The following LY96 variants were observed in gnomAD, a reference collection of about 807,000 sequenced individuals.
The protein encoded by LY96 is myeloid differentiation protein-2.
Under a neutral mutation model 18.9 loss-of-function variants are expected in LY96, and 18 were observed. That is an observed-to-expected ratio of 0.95 (90% CI 0.66 to 1.41). The LOEUF (loss-of-function observed/expected upper bound fraction) is 1.41. LY96 is among the 40% of genes most tolerant of loss of function. The pLI, the probability that LY96 is intolerant of heterozygous loss-of-function variation, is 0.00. For synonymous variants in LY96, 66 were observed against 62.6 expected (o/e 1.06, Z -0.26); for missense variants, 175 against 182.4 (o/e 0.96, Z 0.23).
chr8:74,054,002 T>C, the LY96 span, among the ~76,000 whole-genome samples: 1 of 152,206 alleles, frequency 6.6e-6, no homozygotes, highest in Non-Finnish European at 1.5e-5. Flanking sequence ...CTTTGGACTC[T>C]CCAGAATTGT....
chr8:74,015,315 C>G (rs371048927), intron 3 of LY96, among the ~76,000 whole-genome samples: 1 of 152,194 alleles, frequency 6.6e-6, no homozygotes, highest in Admixed American at 6.5e-5. Context: ...TATCATGTAA[C>G]AGCTCTGGAG....
At chr8:74,064,030 G>A in the LY96 span, among the ~76,000 whole-genome samples, 1 of 152,136 alleles carries the variant, frequency 6.6e-6, no homozygotes, top group Non-Finnish European at 1.5e-5. Flanking sequence ...TTTACTAAGA[G>A]AGATTCTTGC....
the LY96 span, among the ~76,000 whole-genome samples, chr8:74,039,089 T>A: frequency 2.0e-5 from 3 of 152,248 alleles, no homozygotes; most frequent in East Asian, 5.8e-4. Context: ...GTGAGATATC[T>A]CATTGTAGTT....
the LY96 span, among the ~76,000 whole-genome samples, chr8:74,092,045 T>C: frequency 5.3e-5 from 8 of 152,316 alleles, no homozygotes; most frequent in East Asian, 1.3e-3. Flanking sequence ...TTTCCTTCTA[T>C]GATACTGCTT....
chr8:74,076,623 C>T, the LY96 span, among the ~76,000 whole-genome samples: 1 of 151,642 alleles, frequency 6.6e-6, no homozygotes, highest in Non-Finnish European at 1.5e-5. Context: ...CTGCGCCCAC[C>T]CCGAGATACT....
the LY96 span, among the ~76,000 whole-genome samples, chr8:74,067,011 G>C: frequency 1.3e-5 from 2 of 152,232 alleles, no homozygotes; most frequent in African/African-American, 4.8e-5. Context: ...AGTGGAGACA[G>C]TGTGTCAGGC....
chr8:74,006,830 A>T (rs903364977), intron 2 of LY96, among the ~76,000 whole-genome samples: 1 of 152,226 alleles, frequency 6.6e-6, no homozygotes, highest in Non-Finnish European at 1.5e-5. Context: ...CTCGCAGGAA[A>T]CAGGTTGTAT....
the LY96 span, among the ~76,000 whole-genome samples, chr8:74,054,409 T>C: frequency 6.6e-6 from 1 of 152,194 alleles, no homozygotes; most frequent in Non-Finnish European, 1.5e-5. Flanking sequence ...TATTATCTTA[T>C]GCAAGTGGTA....
At chr8:74,061,972 CCAAT>C in the LY96 span, among the ~76,000 whole-genome samples, 1 of 152,150 alleles carries the variant, frequency 6.6e-6, no homozygotes, top group South Asian at 2.1e-4. Context: ...AAAAAGCGCT[CCAAT>C]CAGACATGTA....
At chr8:74,040,235 A>G in the LY96 span, among the ~76,000 whole-genome samples, 1 of 152,242 alleles carries the variant, frequency 6.6e-6, no homozygotes, top group Non-Finnish European at 1.5e-5. Context: ...TCATCTCTAT[A>G]TCTAATTTGT....
chr8:74,042,886 C>G, the LY96 span, among the ~76,000 whole-genome samples: 1 of 151,684 alleles, frequency 6.6e-6, no homozygotes, highest in Non-Finnish European at 1.5e-5. Flanking sequence ...AAGAGATTCT[C>G]CTGCCTCAGC....
chr8:74,028,302 A>ATTTTTTTCCGCTTCAT (rs1816910661), intron 4 of LY96, among the ~76,000 whole-genome samples: 1 of 151,960 alleles, frequency 6.6e-6, no homozygotes, highest in Non-Finnish European at 1.5e-5. Flanking sequence ...AAAACATAGC[A>ATTTTTTTCCGCTTCAT]TTTTTTTCCG....
the LY96 span, among the ~76,000 whole-genome samples, chr8:74,049,273 C>T: frequency 1.3e-5 from 2 of 152,310 alleles, no homozygotes; most frequent in South Asian, 2.1e-4. Context: ...CTTGCTATCC[C>T]TGTCATGCTT....
At chr8:74,054,425 G>T in the LY96 span, among the ~76,000 whole-genome samples, 11 of 152,152 alleles carry the variant, frequency 7.2e-5, no homozygotes, top group African/African-American at 2.4e-4. Context: ...TGGTAGGGCA[G>T]GCTTCAGGGT....
At chr8:74,035,279 A>G in the LY96 span, among the ~76,000 whole-genome samples, 1 of 151,936 alleles carries the variant, frequency 6.6e-6, no homozygotes, top group Admixed American at 6.6e-5. Flanking sequence ...TGGCCCTTCA[A>G]TTGGCTATAA....
chr8:74,074,865 A>G, the LY96 span, among the ~76,000 whole-genome samples: 21 of 152,156 alleles, frequency 1.4e-4, no homozygotes, highest in Admixed American at 3.9e-4. Flanking sequence ...TATTATTTCA[A>G]TTTTTTTGAA....
chr8:74,045,755 A>T, the LY96 span, among the ~76,000 whole-genome samples: 2 of 152,132 alleles, frequency 1.3e-5, no homozygotes, highest in African/African-American at 4.8e-5. Flanking sequence ...GGAAGCAAAA[A>T]GCGAAGACCG....
intron 1 of LY96, among the ~76,000 whole-genome samples, chr8:73,996,373 C>A (rs371073297): frequency 0.051 from 895 of 17,570 alleles, 16 homozygotes; most frequent in African/African-American, 0.14. Context: ...TCCTTCATTC[C>A]TTTCTTTCTT....
intron 2 of LY96, among the ~76,000 whole-genome samples, chr8:74,007,472 A>G (rs1423654949): frequency 1.3e-5 from 2 of 152,268 alleles, no homozygotes; most frequent in Non-Finnish European, 2.9e-5. Context: ...TAATGTTGGT[A>G]TAAAGTGTGA....
Sources: gnomAD v4.1 joint callset for allele counts (sites outside exome capture counted in the v4.1 genomes callset) on GRCh38, gnomAD v4.1.1 for gene constraint, MANE v1.5 for transcripts, NCBI Gene and HGNC (gene_info 2026-07-23, HGNC 2026-07-21) for gene names.